PARD3B: variants seen among roughly 807,000 people sequenced by gnomAD.
PARD3B encodes par-3 family cell polarity regulator beta, also known as partitioning defective 3 homolog B.
PARD3B carries 103 observed loss-of-function variants against 130.2 expected under a neutral mutation model. The ratio of observed to expected loss-of-function variants is 0.79; its 90% CI spans 0.67 to 0.93. The LOEUF is 0.93. PARD3B is among the 40% of genes least tolerant of loss of function. The pLI is 0.00. For missense variants in PARD3B, 1,609 were observed against 1,499.2 expected, an observed-to-expected ratio of 1.07 and a Z score of -1.21; for synonymous variants, 583 against 553.2, an observed-to-expected ratio of 1.05 and a Z score of -0.76.
intron 2 of PARD3B, among the ~76,000 whole-genome samples, chr2:204,867,787 T>C (rs764679268): frequency 4.6e-5 from 7 of 152,218 alleles, no homozygotes; most frequent in Non-Finnish European, 7.3e-5. Context: ...ATGGGTGTTA[T>C]TTGGTTGTTA....
intron 2 of PARD3B, among the ~76,000 whole-genome samples, chr2:204,809,515 C>T (rs763017086): frequency 2.6e-5 from 4 of 151,028 alleles, no homozygotes; most frequent in Non-Finnish European, 4.5e-5. Context: ...TATCTCAGCA[C>T]CGTTTATTGA....
At chr2:204,808,361 A>G (rs986602484) in intron 2 of PARD3B, among the ~76,000 whole-genome samples, 2 of 152,086 alleles carry the variant, frequency 1.3e-5, no homozygotes, top group Admixed American at 6.6e-5. Flanking sequence ...TTTTAGATTC[A>G]GGAGTACACA....
chr2:205,228,852 ATTCT>A (rs1180668172), intron 15 of PARD3B, among the ~76,000 whole-genome samples: 14 of 152,058 alleles, frequency 9.2e-5, no homozygotes, highest in Admixed American at 5.2e-4. Context: ...AAGCTCACTG[ATTCT>A]TTCTTTTGCT....
At chr2:205,054,024 G>A (rs1699419763) in intron 4 of PARD3B, among the ~76,000 whole-genome samples, 1 of 152,032 alleles carries the variant, frequency 6.6e-6, no homozygotes, top group Non-Finnish European at 1.5e-5. Context: ...CTTTCATATG[G>A]CTTTGTTTTT....
At chr2:205,515,793 A>G (rs959783022) in intron 21 of PARD3B, among the ~76,000 whole-genome samples, 2 of 151,848 alleles carry the variant, frequency 1.3e-5, no homozygotes, top group African/African-American at 4.8e-5. Context: ...AGAAGCTCTT[A>G]AGTTTATTTA....
rs531675923 is a variant in PARD3B at position 205,476,697 on chromosome 2, C to T, written c.3045-23199C>T. ...TTACCCTCTTATGAGTTACAGTGTG[C>T]AAAATACTTTGAAAGTAAAGTTTTG... is the stretch of plus-strand genomic sequence containing the variant. On this transcript the variant is annotated intron_variant, in intron 20 of 22. Transcript: ENST00000406610. Among the ~76,000 whole-genome samples, 4 of 152,178 alleles carry T rather than the reference C, an allele frequency of 2.6e-5. No individual in the cohort carries two copies. In the South Asian group the frequency reaches 8.3e-4, roughly 32 times the overall value.
At chr2:205,082,996 T>A (rs1337523687) in intron 4 of PARD3B, among the ~76,000 whole-genome samples, 1 of 151,024 alleles carries the variant, frequency 6.6e-6, no homozygotes, top group Admixed American at 6.7e-5. Flanking sequence ...CTCGGCTCAC[T>A]GCAACCTCTG....
intron 2 of PARD3B, among the ~76,000 whole-genome samples, chr2:204,870,175 G>A (rs1395716362): frequency 1.1e-4 from 16 of 152,132 alleles, no homozygotes; most frequent in Non-Finnish European, 1.5e-4. Flanking sequence ...CATTTTGGAT[G>A]GGGTGGTAGA....
At chr2:204,796,502 G>A (rs1222118385) in intron 2 of PARD3B, among the ~76,000 whole-genome samples, 2 of 152,146 alleles carry the variant, frequency 1.3e-5, no homozygotes, top group African/African-American at 4.8e-5. Context: ...AAGCTCAGTG[G>A]CCACTTTGTC....
At chr2:204,718,467 C>T (rs1020415426) in intron 2 of PARD3B, among the ~76,000 whole-genome samples, 21 of 152,068 alleles carry the variant, frequency 1.4e-4, no homozygotes, top group Admixed American at 7.2e-4. Flanking sequence ...GCTTACAAAA[C>T]CATCAGATTT....
intron 22 of PARD3B, among the ~76,000 whole-genome samples, chr2:205,611,824 T>G (rs1229638690): frequency 6.6e-6 from 1 of 152,134 alleles, no homozygotes; most frequent in East Asian, 1.9e-4. Flanking sequence ...AACAGTAACA[T>G]ATACAAACAA....
intron 15 of PARD3B, among the ~76,000 whole-genome samples, chr2:205,225,949 A>G (rs960090958): frequency 6.6e-6 from 1 of 152,114 alleles, no homozygotes; most frequent in Non-Finnish European, 1.5e-5. Flanking sequence ...CATTCTGTGG[A>G]TTGTCTCTTC....
chr2:204,700,946 A>G (rs1271284054), intron 2 of PARD3B, among the ~76,000 whole-genome samples: 3 of 152,088 alleles, frequency 2.0e-5, no homozygotes, highest in Admixed American at 6.6e-5. Context: ...TAAAATACCA[A>G]GATGAATACC....
intron 2 of PARD3B, among the ~76,000 whole-genome samples, chr2:204,775,897 C>T (rs1263370788): frequency 6.6e-6 from 1 of 152,120 alleles, no homozygotes; most frequent in Non-Finnish European, 1.5e-5. Flanking sequence ...TTGCAGGTTT[C>T]TCCACTTCTC....
chr2:204,739,081 T>C (rs2039884513), intron 2 of PARD3B, among the ~76,000 whole-genome samples: 2 of 152,150 alleles, frequency 1.3e-5, no homozygotes, highest in Non-Finnish European at 2.9e-5. Context: ...AATCTACTTT[T>C]TAATCTACTT....
intron 2 of PARD3B, among the ~76,000 whole-genome samples, chr2:204,881,777 A>G (rs150371293): frequency 6.6e-6 from 1 of 152,200 alleles, no homozygotes; most frequent in East Asian, 1.9e-4. Context: ...TTTGCAACCC[A>G]GAGTCAGGAG....
At chr2:204,843,930 C>T (rs1011369125) in intron 2 of PARD3B, among the ~76,000 whole-genome samples, 3 of 152,048 alleles carry the variant, frequency 2.0e-5, no homozygotes, top group Non-Finnish European at 4.4e-5. Context: ...CCTGACATCC[C>T]CTACTATCAG....
At chr2:204,962,700 T>C (rs1350473953) in intron 2 of PARD3B, among the ~76,000 whole-genome samples, 2 of 152,170 alleles carry the variant, frequency 1.3e-5, no homozygotes, top group African/African-American at 2.4e-5. Flanking sequence ...CAGTTATCAA[T>C]GTTGAAACAA....
intron 2 of PARD3B, among the ~76,000 whole-genome samples, chr2:204,777,569 A>G (rs776155599): frequency 2.0e-5 from 3 of 152,080 alleles, no homozygotes; most frequent in Non-Finnish European, 2.9e-5. Context: ...AGACTTAGAG[A>G]CTGGCCTCAG....
Sources: gnomAD v4.1 joint callset for allele counts (sites outside exome capture counted in the v4.1 genomes callset) on GRCh38, gnomAD v4.1.1 for gene constraint, MANE v1.5 for transcripts, NCBI Gene and HGNC (gene_info 2026-07-23, HGNC 2026-07-21) for gene names.